Variants in RALGAPA2 observed in about 807,000 individuals in gnomAD.
RALGAPA2 encodes the protein Ral GTPase activating protein catalytic subunit alpha 2, also known as ral GTPase-activating protein subunit alpha-2.
In RALGAPA2, 139 loss-of-function variants were observed where a neutral mutation model predicts 230.4. The observed-to-expected ratio is 0.60, with a 90% CI of 0.53 to 0.69. The LOEUF is 0.69. RALGAPA2 is among the 30% of genes least tolerant of loss of function. RALGAPA2 has a pLI of 0.00. For missense variants in RALGAPA2, 2,163 were observed against 2,276.0 expected (o/e 0.95, Z 1.01); for synonymous variants, 847 against 837.8 (o/e 1.01, Z -0.19).
At position 20,414,853 on chromosome 20, in the gene RALGAPA2, C is replaced by T. The variant is rs140578089; in HGVS notation, c.5496-2705G>A. Among the ~76,000 whole-genome samples the T allele has an allele frequency of 2.8e-3, 420 of 152,358 alleles. 1 individual carries two copies. The highest frequency in any genetic ancestry group is 9.2e-3 in the African/African-American group (383 of 41,586). On this transcript the variant is annotated intron_variant, in intron 37 of 39. Coordinates refer to ENST00000202677, the MANE Select transcript of RALGAPA2 (RefSeq NM_020343.4). ...CAGCCCACACTCTCCCGCCCACTAACTGGAGTGTTAACAGTGCTAAACTGG... is the reference window on the plus strand; with the variant it reads ...CAGCCCACACTCTCCCGCCCACTAATTGGAGTGTTAACAGTGCTAAACTGG...
intron 13 of RALGAPA2, among the ~76,000 whole-genome samples, chr20:20,615,666 A>C (rs1235799098): frequency 6.6e-6 from 1 of 152,252 alleles, no homozygotes; most frequent in Non-Finnish European, 1.5e-5. Context: ...ATGAATTTAA[A>C]ACGTCAAGTT....
chr20:20,598,723 A>G, intron 16 of RALGAPA2: 1 of 456,474 alleles, frequency 2.2e-6, no homozygotes, highest in South Asian at 1.6e-5. Context: ...ACCAGGTAAG[A>G]GAGCGCTCAC....
At chr20:20,402,149 G>A (rs1826130592) in intron 38 of RALGAPA2, among the ~76,000 whole-genome samples, 1 of 152,196 alleles carries the variant, frequency 6.6e-6, no homozygotes, top group Non-Finnish European at 1.5e-5. Context: ...GTCTGGACAT[G>A]ACCAGCCACC....
chr20:20,592,188 C>T (rs546882586), intron 16 of RALGAPA2, among the ~76,000 whole-genome samples: 81 of 152,294 alleles, frequency 5.3e-4, no homozygotes, highest in African/African-American at 1.6e-3. Context: ...TTATCCTCTC[C>T]ATGGTCCATC....
rs745457289 is a variant in RALGAPA2, at chr20:20,546,800, T to C, written c.3189A>G (p.Pro1063=). Residue 1063 remains proline (P), a synonymous_variant, in exon 24 of 40, where the codon CCA becomes CCG. Transcript: ENST00000202677. ...GAAAACCCAGGGAGAAAAAGCGGGG[T>C]GGACAGTGCCTTATGATCGTATTTA... The part of the protein sequence containing the change: ...DILNTIIRHC[P]PRFFSLGFPG... The C allele has an allele frequency of 3.7e-6, 6 of 1,608,508 alleles. No individual in the cohort carries two copies. The highest frequency in any genetic ancestry group is 1.1e-5 in the South Asian group (1 of 90,132).
intron 37 of RALGAPA2, among the ~76,000 whole-genome samples, chr20:20,463,463 T>C (rs930416011): frequency 4.6e-5 from 7 of 152,158 alleles, no homozygotes; most frequent in African/African-American, 1.7e-4. Context: ...TCAAAGCCTA[T>C]GAAAATGACT....
At chr20:20,402,963 T>C (rs1301078776) in intron 38 of RALGAPA2, among the ~76,000 whole-genome samples, 4 of 152,226 alleles carry the variant, frequency 2.6e-5, no homozygotes, top group Non-Finnish European at 5.9e-5. Context: ...TGTTCCTTGA[T>C]TGTGCCAGGA....
chr20:20,401,273 C>A (rs2059829713), intron 38 of RALGAPA2, among the ~76,000 whole-genome samples: 1 of 152,074 alleles, frequency 6.6e-6, no homozygotes, highest in Non-Finnish European at 1.5e-5. Flanking sequence ...AAAAGTGACA[C>A]AACAGAAGTG....
chr20:20,533,831 T>TAGA (rs2063430090), intron 26 of RALGAPA2, among the ~76,000 whole-genome samples: 1 of 152,068 alleles, frequency 6.6e-6, no homozygotes, highest in East Asian at 1.9e-4. Flanking sequence ...AAGATACCTA[T>TAGA]AGAATTCAGA....
intron 20 of RALGAPA2, among the ~76,000 whole-genome samples, chr20:20,574,989 C>T (rs1432698884): frequency 6.6e-6 from 1 of 152,156 alleles, no homozygotes; most frequent in African/African-American, 2.4e-5. Flanking sequence ...GCTCAATGTC[C>T]AGTCCTCAGC....
At chr20:20,486,638 GAAAAATTCTC>G (rs2061919412) in intron 36 of RALGAPA2, among the ~76,000 whole-genome samples, 1 of 151,964 alleles carries the variant, frequency 6.6e-6, no homozygotes, top group Admixed American at 6.6e-5. Flanking sequence ...CATTAATTTT[GAAAAATTCTC>G]AGCCATGACA....
intron 31 of RALGAPA2, among the ~76,000 whole-genome samples, chr20:20,514,497 G>C (rs1301041996): frequency 6.6e-6 from 1 of 151,648 alleles, no homozygotes; most frequent in African/African-American, 2.4e-5. Flanking sequence ...ACATCCAGAT[G>C]GATCTCCAGG....
rs1050315398 is a variant in RALGAPA2, at chr20:20,591,049, C to T, written c.2341+128G>A. The T allele has an allele frequency of 2.6e-5, 29 of 1,129,142 alleles. No homozygotes were observed. The African/African-American group carries it at 4.1e-4, about 16-fold the overall frequency. The allele number at this position is 1,129,142 out of a possible 1,614,324, so 69.9% of individuals were successfully genotyped here. A position where few individuals can be genotyped will look rare whatever the true frequency, so the allele number is the denominator to read the frequency against. On this transcript the variant is annotated intron_variant, in intron 17 of 39. Transcript: ENST00000202677. ...TTGCCATAAATCACATCCTTCTAAT[C>T]AAATTAAAAAGGTAATTCCCTTGAA...
At chr20:20,471,306 A>C (rs1033020699) in intron 37 of RALGAPA2, 4 of 151,490 alleles carry the variant, frequency 2.6e-5, no homozygotes, top group African/African-American at 9.8e-5. Context: ...TAAACAAAAT[A>C]ACAAAGCAAG....
chr20:20,558,279 T>A (rs1311858843), intron 23 of RALGAPA2, among the ~76,000 whole-genome samples: 1 of 152,234 alleles, frequency 6.6e-6, no homozygotes, highest in Non-Finnish European at 1.5e-5. Context: ...GTGCTGGGAT[T>A]ACAGGGAAAA....
At chr20:20,706,947 C>T (rs774734056) in intron 1 of RALGAPA2, among the ~76,000 whole-genome samples, 6 of 152,108 alleles carry the variant, frequency 3.9e-5, no homozygotes, top group Non-Finnish European at 8.8e-5. Context: ...ATGATAATAA[C>T]CAATAAAACT....
intron 37 of RALGAPA2, among the ~76,000 whole-genome samples, chr20:20,420,174 G>A (rs1344415179): frequency 6.6e-6 from 1 of 152,218 alleles, no homozygotes; most frequent in African/African-American, 2.4e-5. Context: ...GGAGAAAGGA[G>A]ACTGGAGTCA....
At chr20:20,407,451 C>A (rs1445833530) in intron 38 of RALGAPA2, among the ~76,000 whole-genome samples, 1 of 152,196 alleles carries the variant, frequency 6.6e-6, no homozygotes, top group Non-Finnish European at 1.5e-5. Flanking sequence ...AGGAAGACTG[C>A]CTGTCAGGAC....
At chr20:20,408,133 C>A (rs892302388) in intron 38 of RALGAPA2, among the ~76,000 whole-genome samples, 1 of 152,212 alleles carries the variant, frequency 6.6e-6, no homozygotes, top group Non-Finnish European at 1.5e-5. Flanking sequence ...AGGAACCATA[C>A]GTAGTATTGG....
Sources: allele counts gnomAD v4.1 joint callset (sites outside exome capture counted in the v4.1 genomes callset), GRCh38; gene constraint gnomAD v4.1.1; transcripts MANE v1.5; gene names NCBI Gene and HGNC (gene_info 2026-07-23, HGNC 2026-07-21).